The following COL24A1 variants were observed in gnomAD, a reference collection of about 807,000 sequenced individuals.
COL24A1 encodes collagen alpha-1(XXIV) chain.
In COL24A1, 224 loss-of-function variants were observed where a neutral mutation model predicts 253.9. That is an observed-to-expected ratio of 0.88 (90% CI 0.79 to 0.99). The LOEUF (loss-of-function observed/expected upper bound fraction) is 0.99, where lower values mean the gene tolerates loss of function less well. Among genes scored for constraint, COL24A1 ranks in the 50% least tolerant of loss-of-function variants. COL24A1 has a pLI of 0.00. For synonymous variants in COL24A1, 685 were observed against 673.7 expected (o/e 1.02, Z -0.26); for missense variants, 2,131 against 2,068.5 (o/e 1.03, Z -0.59).
At chr1:86,073,580 G>A (rs1224799771) in intron 7 of COL24A1, among the ~76,000 whole-genome samples, 1 of 152,148 alleles carries the variant, frequency 6.6e-6, no homozygotes, top group Admixed American at 6.5e-5. Context: ...CCCCAACCTA[G>A]CAAGACAGAC....
At chr1:85,923,576 C>G (rs937667813) in intron 24 of COL24A1, among the ~76,000 whole-genome samples, 1 of 151,992 alleles carries the variant, frequency 6.6e-6, no homozygotes, top group African/African-American at 2.4e-5. Flanking sequence ...GACTACTGGG[C>G]AAACAACAAA....
intron 19 of COL24A1, among the ~76,000 whole-genome samples, chr1:85,996,918 T>C (rs1270373827): frequency 1.3e-5 from 2 of 151,854 alleles, no homozygotes; most frequent in Non-Finnish European, 2.9e-5. Context: ...AATTACCTAC[T>C]TTTGTTTTAG....
In COL24A1 at chr1:85,754,699, A is replaced by G. The variant is rs72948691; in HGVS notation, c.4437+6697T>C. Among the ~76,000 whole-genome samples the G allele has an allele frequency of 3.3e-3, 509 of 152,252 alleles. 3 individuals are homozygous for G. The highest frequency in any genetic ancestry group is 0.011 in the African/African-American group (476 of 41,556). ...AATAGCTGAAATAAAAATTTACTAGATAGGCTCTACAGTAGATTTCCATAG... is the reference window on the plus strand; with the variant it reads ...AATAGCTGAAATAAAAATTTACTAGGTAGGCTCTACAGTAGATTTCCATAG... On this transcript the variant is annotated intron_variant, in intron 55 of 59. Transcript: ENST00000370571.
chr1:85,877,038 G>C (rs1332638518), intron 33 of COL24A1, 84 bp downstream of exon 33: 10 of 915,476 alleles, frequency 1.1e-5, no homozygotes, highest in Admixed American at 2.6e-5. Context: ...ATTCCTCATA[G>C]TATATATTTA....
chr1:85,874,168 A>C (rs1049216184), intron 35 of COL24A1, among the ~76,000 whole-genome samples: 1 of 152,218 alleles, frequency 6.6e-6, no homozygotes, highest in Non-Finnish European at 1.5e-5. Flanking sequence ...AAGGCTGTCT[A>C]TATTAGCATA....
At chr1:86,070,251 T>C (rs1220759553) in intron 7 of COL24A1, among the ~76,000 whole-genome samples, 1 of 152,224 alleles carries the variant, frequency 6.6e-6, no homozygotes, top group Non-Finnish European at 1.5e-5. Flanking sequence ...CTTAGTGAGC[T>C]TGAAGACAGG....
chr1:85,910,641 G>C (rs1232415794), intron 25 of COL24A1, among the ~76,000 whole-genome samples: 2 of 151,848 alleles, frequency 1.3e-5, no homozygotes, highest in East Asian at 3.9e-4. Context: ...TTGTTACATT[G>C]TTAGTAAAAA....
intron 47 of COL24A1, 30 bp from the exon 48 acceptor site, chr1:85,786,491 G>A: frequency 1.3e-6 from 2 of 1,587,240 alleles, no homozygotes; most frequent in Non-Finnish European, 1.7e-6. Flanking sequence ...AATGAAAACT[G>A]GGAAAGTTTC....
In COL24A1 at chr1:86,125,738, T is replaced by G; in HGVS notation, c.598A>C (p.Asn200His). 1 of 1,611,360 alleles carries G rather than the reference T, an allele frequency of 6.2e-7. No homozygotes were observed. The highest frequency in any genetic ancestry group is 8.5e-7 in the Non-Finnish European group (1 of 1,178,864). ...ATACTTCCTAAAGTAAACACACTATTAGAATCAAAGGTCTGAACTTCTGGA... is the reference window on the plus strand; with the variant it reads ...ATACTTCCTAAAGTAAACACACTATGAGAATCAAAGGTCTGAACTTCTGGA... Reference protein sequence around the residue: ...TIPEVQTFDSNSVFTLGSMNN... With the variant: ...TIPEVQTFDSHSVFTLGSMNN... Residue 200 changes from asparagine (N) to histidine (H), a missense_variant, in exon 3 of 60, where the codon AAT (asparagine) becomes CAT (histidine). By Grantham distance (68) the Asn-to-His change is moderately conservative. Coordinates refer to ENST00000370571, the MANE Select transcript of COL24A1 (RefSeq NM_152890.7).
intron 6 of COL24A1, among the ~76,000 whole-genome samples, chr1:86,090,633 C>T (rs1703426615): frequency 1.3e-5 from 2 of 152,008 alleles, no homozygotes; most frequent in Non-Finnish European, 2.9e-5. Flanking sequence ...TGTGTATAAC[C>T]AGTTTCCTTT....
chr1:86,130,948 A>G (rs1241834304), intron 2 of COL24A1, among the ~76,000 whole-genome samples: 1 of 151,992 alleles, frequency 6.6e-6, no homozygotes, highest in Non-Finnish European at 1.5e-5. Flanking sequence ...AGTTTCCTCA[A>G]GAAGGTTTAC....
intron 22 of COL24A1, 72 bp from the exon 23 acceptor site, chr1:85,965,134 T>C: frequency 8.4e-7 from 1 of 1,185,848 alleles, no homozygotes; most frequent in African/African-American, 1.5e-5. Context: ...TTTCCTAAGA[T>C]ATATGAAATT....
At chr1:85,918,289 T>C (rs1228734124) in intron 24 of COL24A1, among the ~76,000 whole-genome samples, 1 of 152,168 alleles carries the variant, frequency 6.6e-6, no homozygotes, top group African/African-American at 2.4e-5. Context: ...TTTCACGTGG[T>C]ATAAGATAGG....
chr1:86,111,834 C>T (rs1157583214), intron 5 of COL24A1, among the ~76,000 whole-genome samples: 4 of 152,070 alleles, frequency 2.6e-5, no homozygotes, highest in African/African-American at 4.8e-5. Context: ...CCAGATGCGC[C>T]GCCTTAAGAG....
intron 32 of COL24A1, among the ~76,000 whole-genome samples, chr1:85,888,937 A>G (rs991766306): frequency 1.3e-5 from 2 of 152,124 alleles, no homozygotes; most frequent in South Asian, 2.1e-4. Flanking sequence ...AGCACATTAC[A>G]TCTGACACTA....
intron 7 of COL24A1, among the ~76,000 whole-genome samples, chr1:86,067,183 C>T (rs540558433): frequency 1.3e-5 from 2 of 151,582 alleles, no homozygotes; most frequent in African/African-American, 4.8e-5. Context: ...GGCTTGGAGA[C>T]ATAGGAAGGA....
At chr1:85,758,161 C>T (rs151317591) in intron 55 of COL24A1, among the ~76,000 whole-genome samples, 1 of 152,140 alleles carries the variant, frequency 6.6e-6, no homozygotes, top group Non-Finnish European at 1.5e-5. Context: ...TTTCATATGT[C>T]TAAAGTTTCA....
At chr1:85,948,862 A>C (rs1689611294) in intron 24 of COL24A1, among the ~76,000 whole-genome samples, 1 of 151,700 alleles carries the variant, frequency 6.6e-6, no homozygotes, top group Non-Finnish European at 1.5e-5. Context: ...ATATATTAAA[A>C]AAAATCCTCA....
intron 5 of COL24A1, among the ~76,000 whole-genome samples, chr1:86,107,796 A>G (rs1705148182): frequency 6.6e-6 from 1 of 152,076 alleles, no homozygotes; most frequent in African/African-American, 2.4e-5. Context: ...CGGCCTCCCA[A>G]AGTGGTAATT....
Sources: gnomAD v4.1 joint callset for allele counts (sites outside exome capture counted in the v4.1 genomes callset) on GRCh38, gnomAD v4.1.1 for gene constraint, MANE v1.5 for transcripts, NCBI Gene and HGNC (gene_info 2026-07-23, HGNC 2026-07-21) for gene names.